CHRND: variants seen among roughly 807,000 people sequenced by gnomAD.
CHRND encodes the protein acetylcholine receptor subunit delta.
Under a neutral mutation model 57.8 loss-of-function variants are expected in CHRND, and 40 were observed. The ratio of observed to expected loss-of-function variants is 0.69; its 90% confidence interval spans 0.54 to 0.90. The LOEUF is 0.90. Among genes scored for constraint, CHRND ranks in the 40% least tolerant of loss-of-function variants. The pLI is 0.00. For missense variants in CHRND, 634 were observed against 673.9 expected, an observed-to-expected ratio of 0.94 and a Z score of 0.66; for synonymous variants, 237 against 270.6, an observed-to-expected ratio of 0.88 and a Z score of 1.22.
chr2:232,529,891 G>A, intron 6 of CHRND, 48 bp from the exon 7 acceptor site: 1 of 1,597,908 alleles, frequency 6.3e-7, no homozygotes, highest in Non-Finnish European at 8.6e-7. Flanking sequence ...GCCCTGCCTA[G>A]CCCCCTTGGC....
At chr2:232,527,345 T>C in intron 2 of CHRND, 56 bp from the exon 3 acceptor site, 1 of 1,388,926 alleles carries the variant, frequency 7.2e-7, no homozygotes, top group Non-Finnish European at 1.0e-6. Flanking sequence ...TGGGTGAATG[T>C]GTGCGGATAA....
rs145984749 is a variant in CHRND at position 232,527,382 on chromosome 2, C to T, written c.199-19C>T. 1.7e-4 allele frequency: 277 copies of T among 1,602,788 alleles called. 2 individuals are homozygous for T. In the East Asian group the frequency reaches 5.8e-3, roughly 34 times the overall value. On this transcript the variant is annotated intron_variant, in intron 2 of 11. Transcript: ENST00000258385. ...AGAATGATATGGCCCTGAAGGATGG[C>T]CCTACCGTCTAATTACAGAAAGAAG...
chr2:232,530,451 G>A (rs920385277), intron 7 of CHRND, among the ~76,000 whole-genome samples: 3 of 152,220 alleles, frequency 2.0e-5, no homozygotes, highest in Admixed American at 1.3e-4. Context: ...GTGTGTGACC[G>A]TGGGCCTGGC....
rs62193797 is a variant in CHRND at position 232,527,558 on chromosome 2, C to A, written c.243+113C>A. The A allele has an allele frequency of 0.074, 60,465 of 818,956 alleles. 2,640 individuals carry two copies. The highest frequency in any genetic ancestry group is 0.12 in the Middle Eastern group (335 of 2,898). 50.7% of individuals were successfully genotyped at this position (818,956 alleles called of 1,614,324 possible). A position where few individuals can be genotyped will look rare whatever the true frequency, so the allele number is the denominator to read the frequency against. On this transcript the variant is annotated intron_variant, in intron 3 of 11. Transcript: ENST00000258385. ...AGGAGATCAAGACCATCTTGGCTGA[C>A]ACGGTGAAACCCCGTCTCTACTAAA... is the stretch of plus-strand genomic sequence containing the variant.
rs200290614 is a variant in CHRND, at chr2:232,531,415, T to C, written c.884T>C (p.Ile295Thr). ...LLAQSVFLLL[I>T]SKRLPATSMA... ...GCTCAGTCTGTCTTCCTGCTGCTCATCTCCAAGCGTCTGCCTGCCACATCC... is the reference window on the plus strand; with the variant it reads ...GCTCAGTCTGTCTTCCTGCTGCTCACCTCCAAGCGTCTGCCTGCCACATCC... The change falls in exon 8 of 12, where the codon ATC (isoleucine) becomes ACC (threonine). Residue 295 changes from isoleucine to threonine, a missense_variant. Transcript: ENST00000258385. The C allele has an allele frequency of 1.9e-6, 3 of 1,613,586 alleles. No individual in the cohort carries two copies. The highest frequency in any genetic ancestry group is 2.7e-5 in the African/African-American group (2 of 74,786).
chr2:232,530,279 G>T lies in CHRND; in HGVS notation c.820+140G>T. 4 of 907,816 alleles carry T rather than the reference G, an allele frequency of 4.4e-6. No homozygotes were observed. In the Admixed American group the frequency reaches 7.9e-5, roughly 18 times the overall value. 56.2% of individuals were successfully genotyped at this position (907,816 alleles called of 1,614,324 possible). ...GAGCTCCCTGCCTGGATCCAGGTGT[G>T]AGGGCCAGGTGGCCACCCAGAGGGA... is the stretch of plus-strand genomic sequence containing the variant. On this transcript the variant is annotated intron_variant, in intron 7 of 11. Transcript: ENST00000258385.
At chr2:232,526,868 A>G (rs1186990255) in intron 2 of CHRND, among the ~76,000 whole-genome samples, 194 bp downstream of exon 2, 1 of 152,072 alleles carries the variant, frequency 6.6e-6, no homozygotes, top group African/African-American at 2.4e-5. Context: ...GTGTCCCCCA[A>G]CCACACCCAT....
rs561182659 is a variant in CHRND at position 232,531,671 on chromosome 2, C to T, written c.1047+15C>T. 2.8e-5 allele frequency: 45 copies of T among 1,601,700 alleles called. No individual in the cohort carries two copies. Among genetic ancestry groups the T allele is most frequent in the African/African-American group, 9.4e-5 (7 of 74,772 alleles). On this transcript the variant is annotated intron_variant, in intron 9 of 11. Transcript: ENST00000258385. ...GGGTCAAGAAGGTGAGTACTTGGCCCGGCGCAAAAGCTCACCACTGTAATC... is the reference window on the plus strand; with the variant it reads ...GGGTCAAGAAGGTGAGTACTTGGCCTGGCGCAAAAGCTCACCACTGTAATC...
chr2:232,529,731 G>A (rs1691611637), intron 6 of CHRND, among the ~76,000 whole-genome samples: 1 of 152,164 alleles, frequency 6.6e-6, no homozygotes, highest in Admixed American at 6.5e-5. Flanking sequence ...AGATAAAAAA[G>A]AAATCAGTCA....
chr2:232,528,139 C>T, intron 3 of CHRND, 123 bp from the exon 4 acceptor site: 1 of 872,068 alleles, frequency 1.1e-6, no homozygotes, highest in East Asian at 2.6e-5. Context: ...TCTGTACCTG[C>T]CTTCCCCAAA....
chr2:232,536,052 C>A lies in CHRND; in HGVS notation c.*740C>A. 1 of 454,150 alleles carries A rather than the reference C, an allele frequency of 2.2e-6. No individual in the cohort carries two copies. The highest frequency in any genetic ancestry group is 4.4e-6 in the Non-Finnish European group (1 of 226,806). The allele number at this position is 454,150 out of a possible 1,614,324, so 28.1% of individuals were successfully genotyped here. A position where few individuals can be genotyped will look rare whatever the true frequency, so the allele number is the denominator to read the frequency against. ...TTGGGGCATACATATTCTAAAAAAT[C>A]ATTCGTTGTTTCTCTGAAATTTGTC... On this transcript the variant is annotated 3_prime_UTR_variant, in exon 12 of 12. Transcript: ENST00000258385.
intron 1 of CHRND, 44 bp from the exon 2 acceptor site, chr2:232,526,485 C>T (rs1691471578): frequency 6.2e-7 from 1 of 1,612,630 alleles, no homozygotes; most frequent in African/African-American, 1.3e-5. Context: ...TCCTGAGTCC[C>T]CTGCCCAGGG....
Position 232,526,665 on chromosome 2 carries a change from C to A in CHRND, c.189C>A (p.Leu63=). The change falls in exon 2 of 12, where the codon CTC becomes CTA. Residue 63 remains leucine (L), a synonymous_variant. Coordinates refer to ENST00000258385, the MANE Select transcript of CHRND (RefSeq NM_000751.3). ...DVALALTLSN[L]ISLKEVEETL... is the part of the protein sequence containing the mutation. Reference sequence around the variant, plus strand: ...CCCTGGCCCTCACACTCTCCAACCTCATCTCCCTGGTGAGAGGCCCTCCGG... The same window carrying A: ...CCCTGGCCCTCACACTCTCCAACCTAATCTCCCTGGTGAGAGGCCCTCCGG... 6.2e-7 allele frequency: 1 copy of A among 1,613,530 alleles called. No individual in the cohort carries two copies. Among genetic ancestry groups the A allele is most frequent in the Non-Finnish European group, 8.5e-7 (1 of 1,179,946 alleles).
At position 232,536,250 on chromosome 2, in the gene CHRND, G is replaced by A. The variant is rs1033278747; in HGVS notation, c.*938G>A. On this transcript the variant is annotated 3_prime_UTR_variant, in exon 12 of 12. Transcript: ENST00000258385. ...TGCCCAGTATTCACACCCTTGTGCA[G>A]TCCCCTCACTCTGTACCAGGGTGGG... 1 of 454,116 alleles carries A rather than the reference G, an allele frequency of 2.2e-6. No homozygotes were observed. 28.1% of individuals were successfully genotyped at this position (454,116 alleles called of 1,614,324 possible).
intron 5 of CHRND, 24 bp downstream of exon 5, chr2:232,528,680 C>T (rs757708297): frequency 2.5e-6 from 4 of 1,613,538 alleles, no homozygotes; most frequent in Non-Finnish European, 3.4e-6. Context: ...TCCAGCCACC[C>T]CTCACCCCAA....
At chr2:232,530,986 G>A (rs111736301) in intron 7 of CHRND, among the ~76,000 whole-genome samples, 11 of 152,206 alleles carry the variant, frequency 7.2e-5, no homozygotes, top group African/African-American at 2.7e-4. Flanking sequence ...AACGCACGCA[G>A]GTCTGTGCTC....
intron 9 of CHRND, among the ~76,000 whole-genome samples, chr2:232,532,051 C>T (rs564455765): frequency 6.6e-5 from 10 of 151,026 alleles, no homozygotes; most frequent in Admixed American, 1.3e-4. Flanking sequence ...CTCAGCTACT[C>T]GGGAGGCTGA....
rs373581541 is a variant in CHRND, at chr2:232,534,145, C to T, written c.1252+10C>T. The stretch of plus-strand genomic sequence containing the variant: ...CGCCTCACCACTGCACGTGGGTCCC[C>T]GCTGGTCTTGGTTTTCAGCCCATCT... On this transcript the variant is annotated intron_variant, in intron 10 of 11. Coordinates refer to ENST00000258385, the MANE Select transcript of CHRND (RefSeq NM_000751.3). 86 of 1,613,906 alleles carry T rather than the reference C, an allele frequency of 5.3e-5. 1 individual carries two copies. Among genetic ancestry groups the T allele is most frequent in the South Asian group, 1.1e-4 (10 of 91,082 alleles).
In CHRND at chr2:232,528,681, C is replaced by G. The variant is rs140559055; in HGVS notation, c.509+25C>G. The G allele has an allele frequency of 3.1e-6, 5 of 1,613,570 alleles. No individual in the cohort carries two copies. The South Asian group carries it at 5.5e-5, about 18-fold the overall frequency. Reference sequence around the variant, plus strand: ...GGTGTGCCCTTTTCTCCAGCCACCCCTCACCCCAAAGCACCCTGCCAGAGG... The same window carrying G: ...GGTGTGCCCTTTTCTCCAGCCACCCGTCACCCCAAAGCACCCTGCCAGAGG... On this transcript the variant is annotated intron_variant, in intron 5 of 11. Coordinates refer to ENST00000258385, the MANE Select transcript of CHRND (RefSeq NM_000751.3).
Sources: allele counts gnomAD v4.1 joint callset (sites outside exome capture counted in the v4.1 genomes callset), GRCh38; gene constraint gnomAD v4.1.1; transcripts MANE v1.5; gene names NCBI Gene and HGNC (gene_info 2026-07-23, HGNC 2026-07-21).